Variants in CAP2 observed in about 807,000 individuals in gnomAD.
CAP2 encodes adenylyl cyclase-associated protein 2.
CAP2 carries 24 observed loss-of-function variants against 57.7 expected under a neutral mutation model. The ratio of observed to expected loss-of-function variants is 0.42; its 90% CI spans 0.30 to 0.58. The LOEUF is 0.58. Ranked by LOEUF, CAP2 falls within the 20% of genes least tolerant of loss-of-function variation. The pLI is 0.22. For missense variants in CAP2, 501 were observed against 590.3 expected (o/e 0.85, Z 1.57); for synonymous variants, 194 against 207.2 (o/e 0.94, Z 0.55).
chr6:17,463,184 T>TA, intron 4 of CAP2, 111 bp downstream of exon 4: 1 of 720,722 alleles, frequency 1.4e-6, no homozygotes, highest in East Asian at 2.7e-5. Flanking sequence ...AAATGAGACT[T>TA]ACAGCACGTG....
At position 17,412,610 on chromosome 6, in the gene CAP2, C is replaced by T. The variant is rs773507940; in HGVS notation, c.-1-8945C>T. Among the ~76,000 whole-genome samples the T allele has an allele frequency of 4.6e-5, 7 of 152,078 alleles. No individual in the cohort carries two copies. In the South Asian group the frequency reaches 6.2e-4, roughly 14 times the overall value. The stretch of plus-strand genomic sequence containing the variant: ...ACTTAGAGGACAAATGCTTAAACTA[C>T]GAGGCAGATCAGAGATGGTTCTGAG... On this transcript the variant is annotated intron_variant, in intron 1 of 12. Coordinates refer to ENST00000229922, the MANE Select transcript of CAP2 (RefSeq NM_006366.3).
chr6:17,427,687 C>T (rs1179874931), intron 3 of CAP2, among the ~76,000 whole-genome samples: 4 of 152,070 alleles, frequency 2.6e-5, no homozygotes, highest in Admixed American at 2.6e-4. Flanking sequence ...AAAGCAGCAT[C>T]TCCAAGAGAC....
intron 3 of CAP2, among the ~76,000 whole-genome samples, chr6:17,455,003 TAGTC>T (rs1461041089): frequency 6.6e-6 from 1 of 152,166 alleles, no homozygotes; most frequent in Non-Finnish European, 1.5e-5. Flanking sequence ...AGTAGGTTGT[TAGTC>T]AGACATGAGC....
At chr6:17,545,024 C>G (rs72835458) in intron 11 of CAP2, among the ~76,000 whole-genome samples, 15,630 of 152,170 alleles carry the variant, frequency 0.1, 962 homozygotes, top group Admixed American at 0.16. Flanking sequence ...TTCTGAAGAG[C>G]TATTTTGGAT....
At chr6:17,546,435 T>A (rs1256528727) in intron 11 of CAP2, among the ~76,000 whole-genome samples, 2 of 152,236 alleles carry the variant, frequency 1.3e-5, no homozygotes, top group African/African-American at 2.4e-5. Context: ...TTGTAGATTC[T>A]GGATATTAGC....
chr6:17,531,344 T>G (rs1212162711), intron 7 of CAP2: 32 of 1,453,270 alleles, frequency 2.2e-5, no homozygotes, highest in African/African-American at 8.3e-5. Context: ...GCTCACACCA[T>G]TGATACCTCT....
At chr6:17,421,770 T>G (rs1759453923) in intron 2 of CAP2, 94 bp downstream of exon 2, 3 of 1,411,412 alleles carry the variant, frequency 2.1e-6, no homozygotes, top group Non-Finnish European at 3.0e-6. Flanking sequence ...TCTATTATCC[T>G]TCAGCTTCCC....
At chr6:17,537,482 C>A (rs1762801201) in intron 7 of CAP2, among the ~76,000 whole-genome samples, 2 of 151,930 alleles carry the variant, frequency 1.3e-5, no homozygotes, top group Admixed American at 6.6e-5. Context: ...AGGCATGAGC[C>A]ACCATGCCCG....
chr6:17,546,243 T>A lies in CAP2; in HGVS notation c.1209+3100T>A, dbSNP rs141843636. ...TTTTAATGACCGCCATGCTAACTGG[T>A]ATGAGATTGTATCTCACTGTGGTTT... On this transcript the variant is annotated intron_variant, in intron 11 of 12. Transcript: ENST00000229922. Among the ~76,000 whole-genome samples the A allele has an allele frequency of 2.4e-3, 368 of 152,318 alleles. 2 individuals carry two copies. Among genetic ancestry groups the A allele is most frequent in the African/African-American group, 8.3e-3 (345 of 41,560 alleles).
At chr6:17,465,696 A>T (rs1760845740) in intron 4 of CAP2, among the ~76,000 whole-genome samples, 1 of 152,196 alleles carries the variant, frequency 6.6e-6, no homozygotes, top group South Asian at 2.1e-4. Context: ...CCTGAAGTTT[A>T]TTGGGGACTT....
chr6:17,534,020 TCC>T (rs1762711867), intron 7 of CAP2, among the ~76,000 whole-genome samples: 1 of 152,214 alleles, frequency 6.6e-6, no homozygotes, highest in African/African-American at 2.4e-5. Flanking sequence ...GGATCACTGC[TCC>T]TTAACTAAGG....
intron 3 of CAP2, among the ~76,000 whole-genome samples, chr6:17,438,149 C>T (rs1274257587): frequency 6.8e-6 from 1 of 146,946 alleles, no homozygotes; most frequent in African/African-American, 2.7e-5. Context: ...GGGCGGATCA[C>T]AAGGTCAGGA....
intron 2 of CAP2, among the ~76,000 whole-genome samples, chr6:17,424,472 A>T (rs1759531274): frequency 6.6e-6 from 1 of 152,118 alleles, no homozygotes; most frequent in Non-Finnish European, 1.5e-5. Flanking sequence ...TCAAAGGACC[A>T]CTCTATTATG....
chr6:17,405,040 A>C (rs553741992), intron 1 of CAP2, among the ~76,000 whole-genome samples: 1 of 152,216 alleles, frequency 6.6e-6, no homozygotes, highest in Non-Finnish European at 1.5e-5. Context: ...GATAGTACCA[A>C]ATCCTACATA....
intron 1 of CAP2, among the ~76,000 whole-genome samples, chr6:17,396,260 A>G (rs1307921874): frequency 6.6e-6 from 1 of 152,238 alleles, no homozygotes; most frequent in African/African-American, 2.4e-5. Flanking sequence ...CAAATTAAAC[A>G]TAAAGTTACC....
chr6:17,491,327 C>T (rs561039358), intron 4 of CAP2, among the ~76,000 whole-genome samples: 3 of 152,178 alleles, frequency 2.0e-5, no homozygotes, highest in African/African-American at 4.8e-5. Flanking sequence ...TCCTTCTTAC[C>T]GCATATCGTG....
chr6:17,483,040 G>A (rs938545878), intron 4 of CAP2, among the ~76,000 whole-genome samples: 99 of 152,274 alleles, frequency 6.5e-4, no homozygotes, highest in African/African-American at 2.3e-3. Context: ...CTCTCTCTTT[G>A]GAAGCTTTCA....
intron 3 of CAP2, among the ~76,000 whole-genome samples, chr6:17,432,917 A>C (rs1581513208): frequency 1.8e-4 from 22 of 120,294 alleles, no homozygotes; most frequent in East Asian, 7.1e-4. Context: ...ATTTTCTTTT[A>C]CTTCCTTCCT....
At chr6:17,555,469 C>T (rs1262979442) in intron 12 of CAP2, among the ~76,000 whole-genome samples, 1 of 152,012 alleles carries the variant, frequency 6.6e-6, no homozygotes, top group Non-Finnish European at 1.5e-5. Context: ...CCTAGGATTA[C>T]AGGCATGAGC....
Sources: gnomAD v4.1 joint callset for allele counts (sites outside exome capture counted in the v4.1 genomes callset) on GRCh38, gnomAD v4.1.1 for gene constraint, MANE v1.5 for transcripts, NCBI Gene and HGNC (gene_info 2026-07-23, HGNC 2026-07-21) for gene names.